Variants in UBE2R2 observed in about 807,000 individuals in gnomAD.
The protein encoded by UBE2R2 is ubiquitin-conjugating enzyme E2 R2.
A neutral mutation model predicts 27.8 loss-of-function variants in UBE2R2; 1 was observed. That is an observed-to-expected ratio of 0.04 (90% CI 0.01 to 0.17). The LOEUF is 0.17. Among genes scored for constraint, UBE2R2 ranks in the 10% least tolerant of loss-of-function variants. UBE2R2 has a pLI of 1.00. For synonymous variants in UBE2R2, 106 were observed against 113.3 expected (o/e 0.94, Z 0.41); for missense variants, 100 against 291.0 (o/e 0.34, Z 4.78).
At chr9:33,897,153 C>T (rs1356974143) in intron 2 of UBE2R2, among the ~76,000 whole-genome samples, 1 of 148,426 alleles carries the variant, frequency 6.7e-6, no homozygotes, top group African/African-American at 2.5e-5. Flanking sequence ...TCTCTTGCCT[C>T]AGCCTCCTGA....
Position 33,917,314 on chromosome 9 carries a change from G to T in UBE2R2, c.*77G>T. The T allele has an allele frequency of 6.3e-7, 1 of 1,580,098 alleles. No individual in the cohort carries two copies. On this transcript the variant is annotated 3_prime_UTR_variant, in exon 5 of 5. Coordinates refer to ENST00000263228, the MANE Select transcript of UBE2R2 (RefSeq NM_017811.4). ...GGGAGCAAGTGGGGACCTGGCCATG[G>T]CCCCTCAGCAAAAACCTATTCACAG...
chr9:33,886,437 A>G (rs1311379362), intron 1 of UBE2R2, among the ~76,000 whole-genome samples: 1 of 152,124 alleles, frequency 6.6e-6, no homozygotes, highest in Non-Finnish European at 1.5e-5. Flanking sequence ...CAGGTGGATC[A>G]CAAGGTCAAG....
chr9:33,840,427 T>C (rs1820706460), intron 1 of UBE2R2, among the ~76,000 whole-genome samples: 1 of 152,214 alleles, frequency 6.6e-6, no homozygotes, highest in Non-Finnish European at 1.5e-5. Context: ...TTTTTTTTCC[T>C]TAGTTTTTAT....
chr9:33,861,261 A>T (rs1374306316), intron 1 of UBE2R2, among the ~76,000 whole-genome samples: 1 of 148,496 alleles, frequency 6.7e-6, no homozygotes, highest in Non-Finnish European at 1.5e-5. Context: ...CGCCTGGCCA[A>T]CCTTGTGTTA....
intron 3 of UBE2R2, among the ~76,000 whole-genome samples, chr9:33,907,325 C>G (rs986170054): frequency 1.3e-5 from 2 of 151,938 alleles, no homozygotes; most frequent in African/African-American, 4.8e-5. Flanking sequence ...CTCTTTTGGC[C>G]TAGATCCTCT....
chr9:33,848,393 A>C (rs1271163498), intron 1 of UBE2R2, among the ~76,000 whole-genome samples: 1 of 152,118 alleles, frequency 6.6e-6, no homozygotes, highest in Non-Finnish European at 1.5e-5. Flanking sequence ...TTTGCATACA[A>C]AATAATCCTG....
At chr9:33,827,582 AG>A (rs1563980628) in intron 1 of UBE2R2, among the ~76,000 whole-genome samples, 1 of 152,120 alleles carries the variant, frequency 6.6e-6, no homozygotes, top group Non-Finnish European at 1.5e-5. Context: ...TGGAATTTGC[AG>A]TAAGCTGAGA....
rs1822674919 is a variant in UBE2R2 at position 33,917,380 on chromosome 9, T to C, written c.*143T>C. On this transcript the variant is annotated 3_prime_UTR_variant, in exon 5 of 5. Transcript: ENST00000263228. ...ACACAGCTCCTGCTGACTCCCCTTATGGATCTCAGTTTGCTCCTTTTTATG... is the reference window on the plus strand; with the variant it reads ...ACACAGCTCCTGCTGACTCCCCTTACGGATCTCAGTTTGCTCCTTTTTATG... The C allele has an allele frequency of 3.9e-6, 5 of 1,288,984 alleles. No homozygotes were observed. In the South Asian group the frequency reaches 5.8e-5, roughly 15 times the overall value. The allele number at this position is 1,288,984 out of a possible 1,614,324, so 79.8% of individuals were successfully genotyped here.
rs1822299437 is a variant in UBE2R2 at position 33,903,984 on chromosome 9, A to G, written c.362+3713A>G. On this transcript the variant is annotated intron_variant, in intron 3 of 4. Coordinates refer to ENST00000263228, the MANE Select transcript of UBE2R2 (RefSeq NM_017811.4). Reference sequence around the variant, plus strand: ...TATGTAATCATTGGGTAGTCCTTCAACATTTTGATCTTATTGGTGTTTTCG... The same window carrying G: ...TATGTAATCATTGGGTAGTCCTTCAGCATTTTGATCTTATTGGTGTTTTCG... Among the ~76,000 whole-genome samples the G allele has an allele frequency of 2.6e-5, 4 of 152,166 alleles. No individual in the cohort carries two copies. In the South Asian group the frequency reaches 8.3e-4, roughly 32 times the overall value.
chr9:33,830,506 C>T (rs895085584), intron 1 of UBE2R2, among the ~76,000 whole-genome samples: 14 of 150,380 alleles, frequency 9.3e-5, no homozygotes, highest in African/African-American at 2.9e-4. Flanking sequence ...TTGGCTCATG[C>T]CTGTAATCCC....
chr9:33,829,793 GTTTTTTTTTT>G (rs36079457), intron 1 of UBE2R2, among the ~76,000 whole-genome samples: 1 of 97,186 alleles, frequency 1.0e-5, no homozygotes, highest in African/African-American at 3.8e-5. Context: ...TAGTGCAATC[GTTTTTTTTTT>G]TTTTTTTTTT....
chr9:33,830,048 C>T (rs1406631134), intron 1 of UBE2R2, among the ~76,000 whole-genome samples: 8 of 152,030 alleles, frequency 5.3e-5, no homozygotes, highest in South Asian at 2.1e-4. Flanking sequence ...CCGCCCTCCT[C>T]GGCCTCCCAA....
At chr9:33,853,528 G>A (rs1024419180) in intron 1 of UBE2R2, among the ~76,000 whole-genome samples, 5 of 151,778 alleles carry the variant, frequency 3.3e-5, no homozygotes, top group African/African-American at 9.7e-5. Context: ...CAGGTGATCC[G>A]CCCGCCTTGG....
rs188332649 is a variant in UBE2R2, at chr9:33,913,142, G to A, written c.497+1044G>A. Among the ~76,000 whole-genome samples the A allele has an allele frequency of 2.3e-3, 347 of 151,664 alleles. 1 individual carries two copies. The highest frequency in any genetic ancestry group is 4.1e-3 in the Non-Finnish European group (275 of 67,872). ...TGCCCAGCTAATTTTTGGATTTTTA[G>A]TAGTGACAGGGTTTCACCATGTTGG... is the stretch of plus-strand genomic sequence containing the variant. On this transcript the variant is annotated intron_variant, in intron 4 of 4. Coordinates refer to ENST00000263228, the MANE Select transcript of UBE2R2 (RefSeq NM_017811.4).
At position 33,820,044 on chromosome 9, in the gene UBE2R2, AAAAT is replaced by A. The variant is rs1416358160; in HGVS notation, c.177+2119_177+2122del. Among the ~76,000 whole-genome samples, 50 of 152,242 alleles carry A rather than the reference AAAAT, an allele frequency of 3.3e-4. 1 individual carries two copies. The highest frequency in any genetic ancestry group is 6.0e-4 in the Non-Finnish European group (41 of 68,040). On this transcript the variant is annotated intron_variant, in intron 1 of 4. Coordinates refer to ENST00000263228, the MANE Select transcript of UBE2R2 (RefSeq NM_017811.4). Reference sequence around the variant, plus strand: ...TCATTGTTTGGTACAACCGATATTTAAAATAAATAAATGGGTACTAGTTAGAATA... The same window carrying A: ...TCATTGTTTGGTACAACCGATATTTAAAATAAATGGGTACTAGTTAGAATA...
chr9:33,893,468 T>C (rs367960196), intron 2 of UBE2R2, among the ~76,000 whole-genome samples: 1 of 152,320 alleles, frequency 6.6e-6, no homozygotes, highest in East Asian at 1.9e-4. Flanking sequence ...ATTTATCTTT[T>C]GATGGACACA....
intron 1 of UBE2R2, among the ~76,000 whole-genome samples, chr9:33,830,729 T>G (rs946669938): frequency 6.0e-5 from 9 of 149,238 alleles, no homozygotes; most frequent in African/African-American, 2.2e-4. Flanking sequence ...GATCGGCCAC[T>G]GCAATCCAGC....
chr9:33,826,784 G>A (rs1373020134), intron 1 of UBE2R2, among the ~76,000 whole-genome samples: 5 of 151,852 alleles, frequency 3.3e-5, no homozygotes, highest in African/African-American at 1.2e-4. Flanking sequence ...ATATAAAAAT[G>A]TTTTGGTTAT....
In UBE2R2 at chr9:33,911,812, C is replaced by G. The variant is rs1822498773; in HGVS notation, c.363-152C>G. On this transcript the variant is annotated intron_variant, in intron 3 of 4. Transcript: ENST00000263228. ...AAAACTATCAATAAAAAATTTATAT[C>G]TCTATTCCCCCAAGGTCTTAAATTT... 5.7e-6 allele frequency: 4 copies of G among 703,900 alleles called. No individual in the cohort carries two copies. The East Asian group carries it at 1.4e-4, about 24-fold the overall frequency. 43.6% of individuals were successfully genotyped at this position (703,900 alleles called of 1,614,324 possible). A position where few individuals can be genotyped will look rare whatever the true frequency, so the allele number is the denominator to read the frequency against.
Sources: gnomAD v4.1 joint callset for allele counts (sites outside exome capture counted in the v4.1 genomes callset) on GRCh38, gnomAD v4.1.1 for gene constraint, MANE v1.5 for transcripts, NCBI Gene and HGNC (gene_info 2026-07-23, HGNC 2026-07-21) for gene names.